Variants in SPOCK3 observed in about 807,000 individuals in gnomAD.
SPOCK3 encodes the protein testican-3.
In SPOCK3, 30 loss-of-function variants were observed where a neutral mutation model predicts 56.6. The observed-to-expected ratio is 0.53, with a 90% confidence interval of 0.40 to 0.72. The LOEUF is 0.72. SPOCK3 is among the 30% of genes least tolerant of loss of function. SPOCK3 has a pLI of 0.00. For synonymous variants in SPOCK3, 196 were observed against 183.3 expected (o/e 1.07, Z -0.56); for missense variants, 527 against 530.0 (o/e 0.99, Z 0.06).
intron 3 of SPOCK3, among the ~76,000 whole-genome samples, chr4:167,018,740 G>C (rs1479288866): frequency 6.6e-6 from 1 of 151,870 alleles, no homozygotes; most frequent in African/African-American, 2.4e-5. Flanking sequence ...AATGCCACCT[G>C]TCCTTCAGGT....
At chr4:167,080,930 G>C (rs1029187707) in intron 2 of SPOCK3, among the ~76,000 whole-genome samples, 2 of 147,760 alleles carry the variant, frequency 1.4e-5, no homozygotes, top group Non-Finnish European at 3.0e-5. Context: ...GCCCAGGCTG[G>C]AGTGCAATGG....
At chr4:166,897,404 G>A (rs1228446743) in intron 5 of SPOCK3, among the ~76,000 whole-genome samples, 2 of 151,980 alleles carry the variant, frequency 1.3e-5, no homozygotes, top group African/African-American at 4.8e-5. Context: ...AGAGAGGAGG[G>A]TTTTTTTCCT....
intron 2 of SPOCK3, among the ~76,000 whole-genome samples, chr4:167,217,431 A>G (rs1475268720): frequency 9.2e-5 from 14 of 151,998 alleles, no homozygotes. Flanking sequence ...TTTATATTGT[A>G]TAAGGTATTA....
Position 166,986,839 on chromosome 4 carries a change from A to T in SPOCK3, c.350+13510T>A, listed in dbSNP as rs1043724043. ...TTTCTTCCACAACACACACACATGC[A>T]CACACACCAAAATGAGATATCCAAT... On this transcript the variant is annotated intron_variant, in intron 4 of 10. Transcript: ENST00000357545. Among the ~76,000 whole-genome samples, 5 of 152,204 alleles carry T rather than the reference A, an allele frequency of 3.3e-5. No homozygotes were observed. The East Asian group carries it at 9.7e-4, about 29-fold the overall frequency.
intron 2 of SPOCK3, among the ~76,000 whole-genome samples, chr4:167,143,554 C>T (rs1378413346): frequency 6.6e-6 from 1 of 151,964 alleles, no homozygotes; most frequent in African/African-American, 2.4e-5. Flanking sequence ...TTGATTCAAA[C>T]ATACATACCT....
intron 7 of SPOCK3, among the ~76,000 whole-genome samples, chr4:166,791,110 T>C (rs1456421068): frequency 6.6e-6 from 1 of 151,848 alleles, no homozygotes; most frequent in Non-Finnish European, 1.5e-5. Context: ...TAAAAAGAAA[T>C]ATATGGATTA....
At chr4:167,181,360 T>C (rs1305413316) in intron 2 of SPOCK3, among the ~76,000 whole-genome samples, 1 of 152,196 alleles carries the variant, frequency 6.6e-6, no homozygotes, top group East Asian at 1.9e-4. Context: ...GACCCCTTCT[T>C]ACTATCTCTG....
intron 4 of SPOCK3, among the ~76,000 whole-genome samples, chr4:166,917,968 T>C (rs958404235): frequency 3.3e-5 from 5 of 152,164 alleles, no homozygotes; most frequent in African/African-American, 9.7e-5. Flanking sequence ...TCTCAACTGA[T>C]GGTGACTTAA....
intron 2 of SPOCK3, among the ~76,000 whole-genome samples, chr4:167,171,558 C>A (rs1163231970): frequency 6.6e-6 from 1 of 152,058 alleles, no homozygotes; most frequent in Admixed American, 6.6e-5. Context: ...ATAATGTACT[C>A]ATTAACCAAA....
At chr4:166,977,818 CTCTTT>C (rs1321333824) in intron 4 of SPOCK3, among the ~76,000 whole-genome samples, 1 of 152,100 alleles carries the variant, frequency 6.6e-6, no homozygotes, top group Admixed American at 6.6e-5. Flanking sequence ...CAAAGCTCTT[CTCTTT>C]TAAGAAGAAA....
At chr4:167,189,513 T>A (rs75568152) in intron 2 of SPOCK3, among the ~76,000 whole-genome samples, 1 of 145,412 alleles carries the variant, frequency 6.9e-6, no homozygotes, top group Non-Finnish European at 1.5e-5. Context: ...AAATAAAAAT[T>A]GTATGTTTCA....
intron 4 of SPOCK3, among the ~76,000 whole-genome samples, chr4:166,927,534 T>C (rs1229338337): frequency 1.3e-5 from 2 of 152,124 alleles, no homozygotes; most frequent in Non-Finnish European, 2.9e-5. Flanking sequence ...TGAAAACAGA[T>C]GAATACACCC....
At chr4:166,862,730 G>T (rs2126915442) in intron 6 of SPOCK3, among the ~76,000 whole-genome samples, 1 of 151,928 alleles carries the variant, frequency 6.6e-6, no homozygotes, top group Non-Finnish European at 1.5e-5. Flanking sequence ...AATGAAGATT[G>T]AACTAAATCC....
chr4:167,014,079 A>G (rs1378815685), intron 3 of SPOCK3, among the ~76,000 whole-genome samples: 1 of 152,120 alleles, frequency 6.6e-6, no homozygotes, highest in Non-Finnish European at 1.5e-5. Context: ...TTGATTAGCT[A>G]TGAAACCCCT....
chr4:166,778,085 C>G (rs190391828), intron 7 of SPOCK3, among the ~76,000 whole-genome samples: 1 of 152,260 alleles, frequency 6.6e-6, no homozygotes, highest in Admixed American at 6.5e-5. Flanking sequence ...CAGAGGCCTA[C>G]AAGACATGTC....
intron 3 of SPOCK3, among the ~76,000 whole-genome samples, chr4:167,056,153 C>T (rs113517556): frequency 0.011 from 1,719 of 152,254 alleles, 33 homozygotes; most frequent in African/African-American, 0.039. Context: ...CACAAAAATC[C>T]GCTGTTCTGC....
chr4:166,780,777 G>GCAT (rs1228438610), intron 7 of SPOCK3, among the ~76,000 whole-genome samples: 4 of 152,050 alleles, frequency 2.6e-5, no homozygotes, highest in Non-Finnish European at 5.9e-5. Context: ...AAATATGAAG[G>GCAT]AATGCTCTCA....
At chr4:166,865,641 C>T (rs561474348) in intron 6 of SPOCK3, among the ~76,000 whole-genome samples, 3 of 152,204 alleles carry the variant, frequency 2.0e-5, no homozygotes, top group African/African-American at 7.2e-5. Flanking sequence ...CAATAACAGA[C>T]AAACAGAGAG....
chr4:167,067,386 A>T (rs1403969737), intron 2 of SPOCK3, among the ~76,000 whole-genome samples: 1 of 151,866 alleles, frequency 6.6e-6, no homozygotes, highest in African/African-American at 2.4e-5. Context: ...TCACATCATT[A>T]TAAAGTGAGA....
Sources: allele counts gnomAD v4.1 joint callset (sites outside exome capture counted in the v4.1 genomes callset), GRCh38; gene constraint gnomAD v4.1.1; transcripts MANE v1.5; gene names NCBI Gene and HGNC (gene_info 2026-07-23, HGNC 2026-07-21).